The following RAD52 variants were observed in gnomAD, a reference collection of about 807,000 sequenced individuals.
RAD52 encodes the protein DNA repair protein RAD52 homolog.
A neutral mutation model predicts 55.5 loss-of-function variants in RAD52; 47 were observed. That is an observed-to-expected ratio of 0.85 (90% CI 0.67 to 1.08). RAD52 has a LOEUF of 1.08. Among genes scored for constraint, RAD52 ranks in the 50% least tolerant of loss-of-function variants. The pLI is 0.00. For missense variants in RAD52, 468 were observed against 522.8 expected (o/e 0.90, Z 1.02); for synonymous variants, 184 against 198.9 (o/e 0.92, Z 0.63).
chr12:978,973 C>CT (rs1158751662), intron 1 of RAD52, among the ~76,000 whole-genome samples: 7 of 151,948 alleles, frequency 4.6e-5, no homozygotes, highest in Non-Finnish European at 1.0e-4. Context: ...AAATGTAAAA[C>CT]TTTAAAAAAA....
intron 1 of RAD52, among the ~76,000 whole-genome samples, chr12:937,040 T>C (rs1034904279): frequency 2.0e-5 from 3 of 152,164 alleles, no homozygotes; most frequent in East Asian, 1.9e-4. Context: ...TACCCACACA[T>C]GCACAACCTA....
chr12:962,506 A>G (rs1468622653), intron 1 of RAD52, among the ~76,000 whole-genome samples: 1 of 138,782 alleles, frequency 7.2e-6, no homozygotes, highest in African/African-American at 2.6e-5. Flanking sequence ...CGCCTGGCTA[A>G]TTTTTTTTTT....
chr12:957,129 G>A (rs1958617163), intron 1 of RAD52, among the ~76,000 whole-genome samples: 1 of 152,038 alleles, frequency 6.6e-6, no homozygotes. Flanking sequence ...AGCCAAATAA[G>A]AAAAGAAGGA....
intron 1 of RAD52, among the ~76,000 whole-genome samples, chr12:936,199 G>C (rs1323915086): frequency 6.6e-6 from 1 of 151,924 alleles, no homozygotes; most frequent in Admixed American, 6.6e-5. Context: ...AGCTACTCGG[G>C]GGGCTGAGGC....
intron 1 of RAD52, among the ~76,000 whole-genome samples, chr12:957,862 C>T (rs1330744400): frequency 6.6e-6 from 1 of 152,214 alleles, no homozygotes. Context: ...ATGGGCTTTA[C>T]GCATATTAAT....
intron 1 of RAD52, among the ~76,000 whole-genome samples, chr12:973,609 C>G (rs527285922): frequency 6.6e-6 from 1 of 151,350 alleles, no homozygotes; most frequent in South Asian, 2.1e-4. Flanking sequence ...TCCCGAGTAG[C>G]TGGGACTACA....
chr12:953,815 G>A (rs751380984), upstream of RAD52, among the ~76,000 whole-genome samples: 1 of 152,144 alleles, frequency 6.6e-6, no homozygotes, highest in Non-Finnish European at 1.5e-5. Flanking sequence ...TCCCCACTGT[G>A]AACATCATAA....
chr12:923,254 G>C (rs1267076982), intron 7 of RAD52, among the ~76,000 whole-genome samples: 1 of 151,702 alleles, frequency 6.6e-6, no homozygotes, highest in East Asian at 1.9e-4. Flanking sequence ...AAGTTAATTA[G>C]CTGGCTCCAG....
intron 1 of RAD52, among the ~76,000 whole-genome samples, chr12:988,477 T>C (rs559540381): frequency 4.9e-4 from 74 of 152,280 alleles, no homozygotes; most frequent in African/African-American, 1.7e-3. Flanking sequence ...CTTGTGAACT[T>C]GGGAGGTGTC....
At chr12:964,843 C>T (rs1467795857) in intron 1 of RAD52, among the ~76,000 whole-genome samples, 1 of 152,058 alleles carries the variant, frequency 6.6e-6, no homozygotes, top group East Asian at 1.9e-4. Context: ...TCCCAACGTG[C>T]TGGGGCTACA....
chr12:958,398 T>G (rs1329320740), intron 1 of RAD52, among the ~76,000 whole-genome samples: 1 of 152,110 alleles, frequency 6.6e-6, no homozygotes, highest in East Asian at 1.9e-4. Context: ...GTATTTTTAG[T>G]AGAGACGGGG....
chr12:925,987 T>C (rs1019144164), intron 6 of RAD52, among the ~76,000 whole-genome samples: 2 of 152,146 alleles, frequency 1.3e-5, no homozygotes, highest in African/African-American at 4.8e-5. Flanking sequence ...TCATAGGTTT[T>C]TCTGGTTCAA....
intron 5 of RAD52, 86 bp downstream of exon 5, chr12:929,733 C>T (rs368145092): frequency 2.1e-5 from 28 of 1,309,508 alleles, no homozygotes; most frequent in African/African-American, 1.5e-4. Flanking sequence ...CCTGGGTCCC[C>T]GTCCAGCTAC....
At chr12:952,473 G>A (rs1958541561), upstream of RAD52, among the ~76,000 whole-genome samples, 1 of 152,072 alleles carries the variant, frequency 6.6e-6, no homozygotes, top group South Asian at 2.1e-4. Flanking sequence ...AAAAAGACAG[G>A]TAGAAATTAT....
intron 1 of RAD52, among the ~76,000 whole-genome samples, chr12:943,995 T>G (rs918254112): frequency 1.3e-5 from 2 of 151,862 alleles, no homozygotes; most frequent in Non-Finnish European, 2.9e-5. Flanking sequence ...GCAGGCGGAT[T>G]GCATGAGGTG....
In RAD52 at chr12:913,960, G is replaced by A. The variant is rs1024866946; in HGVS notation, c.1129C>T (p.Gln377Ter). 5.0e-6 allele frequency: 8 copies of A among 1,614,004 alleles called. No homozygotes were observed. In the African/African-American group the frequency reaches 1.1e-4, roughly 22 times the overall value. ...GATCCAGATTTTGCTTGTGGTTTCT[G>A]GTGGCAAACGCTGTGTGGAGTCCTG... ...QNRTPHSVCHQKPQAKSGSWD... is the reference protein window; with the variant it reads ...QNRTPHSVCH The change falls in exon 11 of 12, where the codon CAG (glutamine) becomes TAG (stop). Residue 377 changes from glutamine (Q) to a stop codon, truncating the protein, a stop_gained. Transcript: ENST00000358495. LOFTEE classifies it high-confidence loss of function.
intron 5 of RAD52, 97 bp from the exon 6 acceptor site, chr12:927,360 C>T: frequency 1.1e-6 from 1 of 905,306 alleles, no homozygotes; most frequent in African/African-American, 1.6e-5. Flanking sequence ...GCCGGACTCT[C>T]CCACCTGGCG....
chr12:981,811 C>A (rs73031307), intron 1 of RAD52, among the ~76,000 whole-genome samples: 675 of 20,958 alleles, frequency 0.032, 4 homozygotes, highest in South Asian at 0.1. Flanking sequence ...AAAATAAAAC[C>A]TAGCAAGGCA....
At chr12:970,417 G>C (rs1023167486) in intron 1 of RAD52, among the ~76,000 whole-genome samples, 1 of 151,558 alleles carries the variant, frequency 6.6e-6, no homozygotes, top group African/African-American at 2.4e-5. Flanking sequence ...GTGGTTACTG[G>C]ATATTTATGT....
Sources: gnomAD v4.1 joint callset for allele counts (sites outside exome capture counted in the v4.1 genomes callset) on GRCh38, gnomAD v4.1.1 for gene constraint, MANE v1.5 for transcripts, NCBI Gene and HGNC (gene_info 2026-07-23, HGNC 2026-07-21) for gene names.